Variants in SIPA1L1 observed in about 807,000 individuals in gnomAD.
SIPA1L1 encodes signal-induced proliferation-associated 1-like protein 1.
In SIPA1L1, 26 loss-of-function variants were observed where a neutral mutation model predicts 162.7. The ratio of observed to expected loss-of-function variants is 0.16; its 90% confidence interval spans 0.12 to 0.22. The LOEUF is 0.22. Ranked by LOEUF, SIPA1L1 falls within the 10% of genes least tolerant of loss-of-function variation. The pLI is 1.00. For synonymous variants in SIPA1L1, 829 were observed against 837.4 expected, an observed-to-expected ratio of 0.99 and a Z score of 0.17; for missense variants, 1,874 against 2,241.0, an observed-to-expected ratio of 0.84 and a Z score of 3.31.
intron 2 of SIPA1L1, among the ~76,000 whole-genome samples, chr14:71,405,539 C>T (rs1462560531): frequency 2.6e-5 from 4 of 152,156 alleles, no homozygotes; most frequent in African/African-American, 9.7e-5. Context: ...AGTGAATGGC[C>T]TTGGAAGAGA....
At chr14:71,488,215 C>G (rs971993030) in intron 2 of SIPA1L1, among the ~76,000 whole-genome samples, 1 of 152,112 alleles carries the variant, frequency 6.6e-6, no homozygotes, top group East Asian at 1.9e-4. Flanking sequence ...GTGACATGTA[C>G]AAATGGGCAC....
At chr14:71,464,352 C>T (rs1360191494) in intron 2 of SIPA1L1, among the ~76,000 whole-genome samples, 1 of 152,132 alleles carries the variant, frequency 6.6e-6, no homozygotes, top group Non-Finnish European at 1.5e-5. Flanking sequence ...ACATTAAAAG[C>T]AGAGTCCCGG....
At chr14:71,730,522 C>T (rs571259759) in intron 20 of SIPA1L1, among the ~76,000 whole-genome samples, 6 of 152,254 alleles carry the variant, frequency 3.9e-5, no homozygotes, top group South Asian at 2.1e-4. Context: ...ACACTGGACC[C>T]AAGACCTCCT....
At chr14:71,397,535 A>G (rs994090770) in intron 2 of SIPA1L1, among the ~76,000 whole-genome samples, 2 of 152,124 alleles carry the variant, frequency 1.3e-5, no homozygotes, top group Non-Finnish European at 2.9e-5. Flanking sequence ...GTGTGTGTGC[A>G]CACATACAGG....
intron 4 of SIPA1L1, among the ~76,000 whole-genome samples, chr14:71,569,275 G>C (rs2031450716): frequency 6.6e-6 from 1 of 152,166 alleles, no homozygotes; most frequent in Non-Finnish European, 1.5e-5. Context: ...AGAGTGTCTT[G>C]AATGGCTTTA....
intron 2 of SIPA1L1, among the ~76,000 whole-genome samples, chr14:71,459,865 G>A (rs1030910178): frequency 6.6e-6 from 1 of 151,998 alleles, no homozygotes; most frequent in Admixed American, 6.6e-5. Context: ...TTACAAGTCC[G>A]CCCCTTGTCA....
chr14:71,392,144 A>G (rs1281550918), intron 2 of SIPA1L1, among the ~76,000 whole-genome samples: 2 of 152,204 alleles, frequency 1.3e-5, no homozygotes, highest in Admixed American at 6.5e-5. Flanking sequence ...CAGGAAAGCT[A>G]TAAATCCCAA....
intron 16 of SIPA1L1, among the ~76,000 whole-genome samples, chr14:71,708,033 T>G (rs1354845497): frequency 6.1e-5 from 9 of 148,366 alleles, no homozygotes; most frequent in Non-Finnish European, 1.2e-4. Flanking sequence ...TTTTTTGTTT[T>G]TTTTTTTTTT....
intron 2 of SIPA1L1, among the ~76,000 whole-genome samples, chr14:71,324,749 T>C (rs547084317): frequency 6.6e-6 from 1 of 152,240 alleles, no homozygotes; most frequent in Non-Finnish European, 1.5e-5. Flanking sequence ...TCTTCTCTTT[T>C]TAAACTCATT....
At chr14:71,449,849 T>C (rs1223496532) in intron 2 of SIPA1L1, among the ~76,000 whole-genome samples, 1 of 152,238 alleles carries the variant, frequency 6.6e-6, no homozygotes, top group Admixed American at 6.5e-5. Context: ...AGGTATACTT[T>C]GGCAGATGCC....
At chr14:71,394,414 C>T (rs2041019533) in intron 2 of SIPA1L1, among the ~76,000 whole-genome samples, 1 of 152,214 alleles carries the variant, frequency 6.6e-6, no homozygotes, top group South Asian at 2.1e-4. Context: ...TTATGTCATT[C>T]ATCTCCTGCT....
At chr14:71,438,319 G>A (rs560495216) in intron 2 of SIPA1L1, among the ~76,000 whole-genome samples, 2 of 151,950 alleles carry the variant, frequency 1.3e-5, no homozygotes, top group African/African-American at 2.4e-5. Context: ...CTTGGCCCCC[G>A]ATTGCACGTC....
At chr14:71,675,827 G>A (rs1416024739) in intron 12 of SIPA1L1, among the ~76,000 whole-genome samples, 2 of 152,102 alleles carry the variant, frequency 1.3e-5, no homozygotes, top group Non-Finnish European at 2.9e-5. Flanking sequence ...CAAGCAAGGG[G>A]GTGCGGGAGG....
chr14:71,685,747 C>G, intron 13 of SIPA1L1, 116 bp downstream of exon 13: 2 of 1,290,456 alleles, frequency 1.5e-6, no homozygotes, highest in Admixed American at 4.6e-5. Flanking sequence ...AAGAATTAAA[C>G]TGAGGTGCAT....
intron 2 of SIPA1L1, among the ~76,000 whole-genome samples, chr14:71,475,948 T>A (rs1353333550): frequency 6.6e-6 from 1 of 152,198 alleles, no homozygotes; most frequent in Non-Finnish European, 1.5e-5. Context: ...TGTTTAACAG[T>A]GTAATTGAGA....
chr14:71,354,281 C>CTTTTTTTTT (rs553737399), intron 2 of SIPA1L1, among the ~76,000 whole-genome samples: 2 of 137,742 alleles, frequency 1.5e-5, no homozygotes, highest in Non-Finnish European at 3.2e-5. Context: ...TCATTTGTTT[C>CTTTTTTTTT]TTTTTTTTTT....
chr14:71,561,064 C>A (rs2056748944), intron 4 of SIPA1L1, among the ~76,000 whole-genome samples: 1 of 152,038 alleles, frequency 6.6e-6, no homozygotes, highest in Non-Finnish European at 1.5e-5. Context: ...AAAAAGAGTT[C>A]TTTTTAGTAG....
chr14:71,526,319 A>C (rs1177094758), intron 3 of SIPA1L1, among the ~76,000 whole-genome samples: 1 of 152,180 alleles, frequency 6.6e-6, no homozygotes, highest in Admixed American at 6.5e-5. Context: ...TAGCCCACCG[A>C]ATTTCCCCCC....
intron 2 of SIPA1L1, among the ~76,000 whole-genome samples, chr14:71,445,409 G>A (rs562563922): frequency 1.3e-5 from 2 of 151,824 alleles, no homozygotes; most frequent in African/African-American, 4.8e-5. Context: ...TTTCTTTCTC[G>A]GGAATTTTAT....
Sources: gnomAD v4.1 joint callset for allele counts (sites outside exome capture counted in the v4.1 genomes callset) on GRCh38, gnomAD v4.1.1 for gene constraint, MANE v1.5 for transcripts, NCBI Gene and HGNC (gene_info 2026-07-23, HGNC 2026-07-21) for gene names.